Variants in SYBU observed in about 807,000 individuals in gnomAD.
The protein encoded by SYBU is syntabulin, also known as GOLSYN A protein.
In SYBU, 21 loss-of-function variants were observed where a neutral mutation model predicts 35.9. The ratio of observed to expected loss-of-function variants is 0.58; its 90% CI spans 0.41 to 0.84. The LOEUF (loss-of-function observed/expected upper bound fraction) is 0.84, where lower values mean the gene tolerates loss of function less well. Ranked by LOEUF, SYBU falls within the 40% of genes least tolerant of loss-of-function variation. SYBU has a pLI of 0.00. For synonymous variants in SYBU, 319 were observed against 324.3 expected (o/e 0.98, Z 0.18); for missense variants, 768 against 848.2 (o/e 0.91, Z 1.17).
At chr8:109,596,256 T>A (rs1824866425) in intron 3 of SYBU, among the ~76,000 whole-genome samples, 2 of 152,264 alleles carry the variant, frequency 1.3e-5, no homozygotes, top group South Asian at 2.1e-4. Context: ...GAGTCTCAGA[T>A]ACAAAGAACT....
chr8:109,645,639 T>C (rs541820648), upstream of SYBU: 3 of 285,570 alleles, frequency 1.1e-5, no homozygotes, highest in African/African-American at 6.8e-5. Flanking sequence ...TTTTGTTTTT[T>C]TTTTTTTCCG....
At chr8:109,645,007 C>T (rs540870614), upstream of SYBU, 1,582 of 486,704 alleles carry the variant, frequency 3.3e-3, 3 homozygotes, top group Non-Finnish European at 3.6e-3. Context: ...CAGCCAGAGC[C>T]GGTGTCCCTC....
intron 1 of SYBU, among the ~76,000 whole-genome samples, chr8:109,668,880 T>C (rs529416407): frequency 3.1e-4 from 47 of 152,304 alleles, no homozygotes; most frequent in African/African-American, 1.1e-3. Flanking sequence ...TGAAAATTAG[T>C]GAACACAAGT....
At chr8:109,580,182 T>C in intron 4 of SYBU, 180 bp from the exon 5 acceptor site, 1 of 595,286 alleles carries the variant, frequency 1.7e-6, no homozygotes, top group South Asian at 2.0e-5. Flanking sequence ...TTTCTCTCCT[T>C]GTGACATCAG....
intron 1 of SYBU, among the ~76,000 whole-genome samples, chr8:109,674,511 C>T (rs1817112716): frequency 6.6e-6 from 1 of 152,176 alleles, no homozygotes; most frequent in Non-Finnish European, 1.5e-5. Context: ...CCAGTCCTGC[C>T]TTACAAGAGC....
Position 109,621,496 on chromosome 8 carries a change from A to G in SYBU, c.230-2457T>C, listed in dbSNP as rs1290519637. 2.6e-5 allele frequency among the ~76,000 whole-genome samples: 4 copies of G among 152,136 alleles called. No individual in the cohort carries two copies. The East Asian group carries it at 7.7e-4, about 29-fold the overall frequency. On this transcript the variant is annotated intron_variant, in intron 2 of 6. Coordinates refer to ENST00000276646, the MANE Select transcript of SYBU (RefSeq NM_001099754.2). ...TTACAGGATTTAAACCACTACAAAA[A>G]GATCTCTTAACTCTCTACTCTTGTG...
intron 5 of SYBU, among the ~76,000 whole-genome samples, chr8:109,579,206 C>G (rs2131208045): frequency 6.6e-6 from 1 of 152,312 alleles, no homozygotes; most frequent in South Asian, 2.1e-4. Context: ...CCATCCAGTC[C>G]TCCTGTCGTG....
At chr8:109,669,574 C>A (rs1235592926) in intron 1 of SYBU, among the ~76,000 whole-genome samples, 1 of 152,096 alleles carries the variant, frequency 6.6e-6, no homozygotes, top group Non-Finnish European at 1.5e-5. Context: ...ATCTGGAGTG[C>A]AAGTAAGAAA....
chr8:109,594,521 C>T (rs561073423), intron 3 of SYBU, among the ~76,000 whole-genome samples: 4 of 152,236 alleles, frequency 2.6e-5, no homozygotes, highest in Non-Finnish European at 4.4e-5. Context: ...AAAAAACTCA[C>T]TTCTGTACTT....
intron 3 of SYBU, among the ~76,000 whole-genome samples, chr8:109,611,883 A>G (rs769344432): frequency 1.2e-4 from 18 of 152,212 alleles, no homozygotes; most frequent in Non-Finnish European, 2.2e-4. Flanking sequence ...GTTACTGGCA[A>G]CTGTCAACAT....
intron 2 of SYBU, among the ~76,000 whole-genome samples, 189 bp from the exon 3 acceptor site, chr8:109,619,228 A>AT (rs1812163625): frequency 6.9e-6 from 1 of 144,130 alleles, no homozygotes; most frequent in South Asian, 2.3e-4. Context: ...TTAATGCAAA[A>AT]CCTTTTTTTT....
At chr8:109,678,111 G>T (rs1396538485) in intron 1 of SYBU, among the ~76,000 whole-genome samples, 1 of 121,072 alleles carries the variant, frequency 8.3e-6, no homozygotes, top group Non-Finnish European at 1.6e-5. Flanking sequence ...TCCAGCCTGG[G>T]CAAGAAGAGC....
upstream of SYBU, among the ~76,000 whole-genome samples, chr8:109,684,518 G>C (rs1817475947): frequency 6.6e-6 from 1 of 152,224 alleles, no homozygotes; most frequent in African/African-American, 2.4e-5. Flanking sequence ...CTGTATGTAA[G>C]TTTAATATAA....
At chr8:109,580,903 A>G (rs1822956370) in intron 4 of SYBU, 1 of 152,232 alleles carries the variant, frequency 6.6e-6, no homozygotes, top group African/African-American at 2.4e-5. Context: ...TCCATGCTTG[A>G]CCATCCTTAG....
At chr8:109,615,603 A>G (rs546802449) in intron 3 of SYBU, among the ~76,000 whole-genome samples, 2 of 152,282 alleles carry the variant, frequency 1.3e-5, no homozygotes, top group Non-Finnish European at 1.5e-5. Context: ...TTAGGCAACT[A>G]AAAAAATAAG....
chr8:109,613,896 T>C (rs1415839454), intron 3 of SYBU, among the ~76,000 whole-genome samples: 3 of 152,232 alleles, frequency 2.0e-5, no homozygotes, highest in African/African-American at 7.2e-5. Flanking sequence ...TCCTCTGCTA[T>C]TGTCGTAAGG....
At chr8:109,615,761 T>C (rs1338247426) in intron 3 of SYBU, among the ~76,000 whole-genome samples, 4 of 152,110 alleles carry the variant, frequency 2.6e-5, no homozygotes, top group African/African-American at 7.2e-5. Context: ...GCTTTGGCTT[T>C]GGGGAAGGGT....
chr8:109,624,249 C>T (rs1408012437), intron 2 of SYBU, among the ~76,000 whole-genome samples: 3 of 152,224 alleles, frequency 2.0e-5, no homozygotes, highest in African/African-American at 7.2e-5. Context: ...TGCCCAACTC[C>T]CTGGAAATCA....
intron 2 of SYBU, among the ~76,000 whole-genome samples, chr8:109,633,472 G>A (rs1046453274): frequency 1.3e-5 from 2 of 152,194 alleles, no homozygotes; most frequent in African/African-American, 2.4e-5. Context: ...CCTAAAAAGA[G>A]GGGACAGTCA....
Sources: allele counts gnomAD v4.1 joint callset (sites outside exome capture counted in the v4.1 genomes callset), GRCh38; gene constraint gnomAD v4.1.1; transcripts MANE v1.5; gene names NCBI Gene and HGNC (gene_info 2026-07-23, HGNC 2026-07-21).